The following NAV2 variants were observed in gnomAD, a reference collection of about 807,000 sequenced individuals.
NAV2 encodes the protein helicase, APC down-regulated 1.
A neutral mutation model predicts 223.2 loss-of-function variants in NAV2; 54 were observed. The ratio of observed to expected loss-of-function variants is 0.24; its 90% CI spans 0.19 to 0.30. The LOEUF is 0.30. Among genes scored for constraint, NAV2 ranks in the 10% least tolerant of loss-of-function variants. The pLI is 1.00. For missense variants in NAV2, 2,806 were observed against 3,147.5 expected, an observed-to-expected ratio of 0.89 and a Z score of 2.60; for synonymous variants, 1,279 against 1,239.3, an observed-to-expected ratio of 1.03 and a Z score of -0.67.
At chr11:19,678,929 C>T (rs113959589) in intron 1 of NAV2, among the ~76,000 whole-genome samples, 175 of 152,294 alleles carry the variant, frequency 1.1e-3, no homozygotes, top group Middle Eastern at 6.8e-3. Flanking sequence ...CGAGCTAAAC[C>T]GACCTCTCTC....
At chr11:19,866,893 T>C (rs1271424512) in intron 3 of NAV2, among the ~76,000 whole-genome samples, 2 of 152,096 alleles carry the variant, frequency 1.3e-5, no homozygotes, top group Admixed American at 6.5e-5. Context: ...GGGACATAAT[T>C]GCCAAAGCCT....
chr11:19,765,011 T>C (rs1054725231), intron 1 of NAV2, among the ~76,000 whole-genome samples: 4 of 152,184 alleles, frequency 2.6e-5, no homozygotes, highest in Admixed American at 6.5e-5. Flanking sequence ...ACTACCCTCC[T>C]GTCATTCCTG....
At chr11:19,626,525 C>T (rs1015496775) in intron 1 of NAV2, among the ~76,000 whole-genome samples, 2 of 152,242 alleles carry the variant, frequency 1.3e-5, no homozygotes, top group East Asian at 3.9e-4. Context: ...TTTTGTGGTT[C>T]CACACAAATT....
chr11:19,475,182 G>A (rs905995984), intron 1 of NAV2, among the ~76,000 whole-genome samples: 1 of 152,260 alleles, frequency 6.6e-6, no homozygotes, highest in Non-Finnish European at 1.5e-5. Flanking sequence ...TTCTGGGATT[G>A]AGTCTCTCTT....
chr11:19,460,830 T>C (rs1442186270), intron 1 of NAV2, among the ~76,000 whole-genome samples: 1 of 152,140 alleles, frequency 6.6e-6, no homozygotes, highest in African/African-American at 2.4e-5. Flanking sequence ...AAGATGAACT[T>C]CCTAGATAAG....
At chr11:19,709,419 G>A (rs1300093423), upstream of NAV2, among the ~76,000 whole-genome samples, 3 of 151,792 alleles carry the variant, frequency 2.0e-5, no homozygotes, top group Admixed American at 6.6e-5. Flanking sequence ...GCGGGTGCCT[G>A]TAGTCCCAGC....
chr11:20,115,141 TAGC>T, intron 37 of NAV2, among the ~76,000 whole-genome samples: 1 of 103,674 alleles, frequency 9.6e-6, no homozygotes, highest in African/African-American at 2.7e-5. Flanking sequence ...CTCCTACCGA[TAGC>T]AGAGCAGAGG....
intron 1 of NAV2, among the ~76,000 whole-genome samples, chr11:19,787,443 G>C (rs142250503): frequency 6.6e-6 from 1 of 151,996 alleles, no homozygotes; most frequent in African/African-American, 2.4e-5. Context: ...GCAGGATGTA[G>C]AAATCATCTA....
chr11:19,548,674 C>G (rs2044584032), intron 1 of NAV2, among the ~76,000 whole-genome samples: 1 of 150,690 alleles, frequency 6.6e-6, no homozygotes, highest in African/African-American at 2.4e-5. Context: ...CGAGACCATC[C>G]TGGCTAACAT....
rs902235038 is a variant in NAV2 at position 20,054,367 on chromosome 11, C to A, written c.4642+127C>A. 7 of 849,572 alleles carry A rather than the reference C, an allele frequency of 8.2e-6. No individual in the cohort carries two copies. The African/African-American group carries it at 1.0e-4, about 13-fold the overall frequency. The allele number at this position is 849,572 out of a possible 1,614,324, so 52.6% of individuals were successfully genotyped here. A position where few individuals can be genotyped will look rare whatever the true frequency, so the allele number is the denominator to read the frequency against. ...GTGGTTTTGGTTACATGGGTAAGTT[C>A]TTTAGTGGTGATTTCTGAGATTTTG... On this transcript the variant is annotated intron_variant, in intron 18 of 37. Transcript: ENST00000349880.
intron 1 of NAV2, among the ~76,000 whole-genome samples, chr11:19,760,612 T>C (rs2054656145): frequency 6.6e-6 from 1 of 152,152 alleles, no homozygotes; most frequent in Non-Finnish European, 1.5e-5. Flanking sequence ...CTCTGTAGAA[T>C]GGAGTCCCTA....
intron 36 of NAV2, among the ~76,000 whole-genome samples, chr11:20,112,182 T>C (rs2062691182): frequency 6.6e-6 from 1 of 152,138 alleles, no homozygotes; most frequent in Admixed American, 6.5e-5. Context: ...ATATCCCACT[T>C]TTGCATTCTC....
chr11:20,109,238 T>C (rs2062428306), intron 36 of NAV2, among the ~76,000 whole-genome samples: 1 of 152,230 alleles, frequency 6.6e-6, no homozygotes, highest in Non-Finnish European at 1.5e-5. Flanking sequence ...TTCACTAAAC[T>C]GGAGCATACG....
At position 19,647,651 on chromosome 11, in the gene NAV2, C is replaced by A. The variant is rs529280095; in HGVS notation, c.76-184833C>A. Among the ~76,000 whole-genome samples, 3 of 152,246 alleles carry A rather than the reference C, an allele frequency of 2.0e-5. No homozygotes were observed. The South Asian group carries it at 6.2e-4, about 32-fold the overall frequency. ...TTGAACCTGGACTTGGACACCCATACCTTGCTGTGTCTGTAGCCAGTCACC... is the reference window on the plus strand; with the variant it reads ...TTGAACCTGGACTTGGACACCCATAACTTGCTGTGTCTGTAGCCAGTCACC... On this transcript the variant is annotated intron_variant, in intron 1 of 37. Transcript: ENST00000360655.
In NAV2 at chr11:20,093,120, G is replaced by C; in HGVS notation, c.5837G>C (p.Gly1946Ala). ...GCAGACATGTTGCTGGATGACACTG[G>C]TGAATGCTCGGCTCGGAAGGAAGGA... ...TSLDMLLDDT[G>A]ECSARKEGGR... The change falls in exon 29 of 38, where the codon GGT (glycine) becomes GCT (alanine). Residue 1946 changes from glycine (G) to alanine (A), a missense_variant. Physicochemically the swap from Gly to Ala is moderately conservative, Grantham distance 60 (BLOSUM62 0). This residue lies in a region of NAV2 where 824 missense variants were observed against 1,069.4 expected (regional missense o/e 0.77). Coordinates refer to ENST00000349880, the MANE Select transcript of NAV2 (RefSeq NM_145117.5). The C allele has an allele frequency of 6.2e-7, 1 of 1,614,054 alleles. No individual in the cohort carries two copies. Among genetic ancestry groups the C allele is most frequent in the African/African-American group, 1.3e-5 (1 of 75,016 alleles).
chr11:20,006,966 T>C (rs1215631311), intron 11 of NAV2, among the ~76,000 whole-genome samples: 1 of 152,068 alleles, frequency 6.6e-6, no homozygotes, highest in Non-Finnish European at 1.5e-5. Context: ...TCTTTTTTTT[T>C]TTCTTTGGAG....
At chr11:19,978,292 C>T (rs1591511475) in intron 10 of NAV2, among the ~76,000 whole-genome samples, 1 of 152,130 alleles carries the variant, frequency 6.6e-6, no homozygotes, top group Admixed American at 6.5e-5. Context: ...TCCTAATAAA[C>T]TCAGAGAATG....
chr11:19,887,385 A>T (rs1002693917), intron 5 of NAV2, among the ~76,000 whole-genome samples: 1 of 152,006 alleles, frequency 6.6e-6, no homozygotes, highest in Non-Finnish European at 1.5e-5. Flanking sequence ...GCAGAGAAGC[A>T]TAGTGGATAT....
chr11:20,036,442 G>A (rs1297640050), intron 12 of NAV2, among the ~76,000 whole-genome samples: 2 of 152,230 alleles, frequency 1.3e-5, no homozygotes, highest in African/African-American at 4.8e-5. Flanking sequence ...CAGAGTGTGT[G>A]TCTCTTATTT....
Sources: allele counts gnomAD v4.1 joint callset (sites outside exome capture counted in the v4.1 genomes callset), GRCh38; gene constraint gnomAD v4.1.1; regional missense constraint gnomAD v4.1.1; transcripts MANE v1.5; gene names NCBI Gene and HGNC (gene_info 2026-07-23, HGNC 2026-07-21).